ARID1A: variants seen among roughly 807,000 people sequenced by gnomAD.
ARID1A encodes the protein AT-rich interaction domain 1A, also known as AT-rich interactive domain-containing protein 1A.
ARID1A carries 20 observed loss-of-function variants against 212.6 expected under a neutral mutation model. The ratio of observed to expected loss-of-function variants is 0.09; its 90% confidence interval spans 0.07 to 0.14. ARID1A has a LOEUF of 0.14. Among genes scored for constraint, ARID1A ranks in the 10% least tolerant of loss-of-function variants. The pLI is 1.00. For missense variants in ARID1A, 2,587 were observed against 3,059.0 expected, an observed-to-expected ratio of 0.85 and a Z score of 3.64; for synonymous variants, 1,376 against 1,222.1, an observed-to-expected ratio of 1.13 and a Z score of -2.63.
At chr1:26,700,109 A>T (rs76043262) in intron 1 of ARID1A, among the ~76,000 whole-genome samples, 1 of 152,218 alleles carries the variant, frequency 6.6e-6, no homozygotes, top group Non-Finnish European at 1.5e-5. Flanking sequence ...TGTAAGAGAC[A>T]GTGCAGCTTC....
At chr1:26,711,725 T>C (rs79568175) in intron 1 of ARID1A, among the ~76,000 whole-genome samples, 9,048 of 152,200 alleles carry the variant, frequency 0.059, 327 homozygotes, top group Non-Finnish European at 0.08. Context: ...TCTTCGGCAA[T>C]ATGGCATGAA....
rs2124120280 is a variant in ARID1A, at chr1:26,774,762, A to G, written c.4535A>G (p.Gln1512Arg). 7 of 1,614,276 alleles carry G rather than the reference A, an allele frequency of 4.3e-6. No individual in the cohort carries two copies. The highest frequency in any genetic ancestry group is 5.9e-6 in the Non-Finnish European group (7 of 1,180,054). ...NDMTYNYANR[Q>R]STGSAPQGPA... ...ATGACCTATAATTATGCCAACAGGC[A>G]GAGCACGGGCTCTGCCCCCCAGGGC... Residue 1512 changes from glutamine (Q) to arginine (R), a missense_variant, in exon 18 of 20, where the codon CAG (glutamine) becomes CGG (arginine). Around this residue, in one of 11 missense-constraint regions of ARID1A, gnomAD observed 890 missense variants for 1,098.2 expected, o/e 0.81. Coordinates refer to ENST00000324856, the MANE Select transcript of ARID1A (RefSeq NM_006015.6). This position sits in a 1 kb window ranked among gnomAD's most constrained non-coding sequence, Gnocchi z 5.6.
chr1:26,766,945 G>A (rs1278040501), intron 10 of ARID1A, among the ~76,000 whole-genome samples: 3 of 152,152 alleles, frequency 2.0e-5, no homozygotes. Flanking sequence ...TTCTCTTCCT[G>A]AACCTTACTC....
In ARID1A at chr1:26,773,717, G is replaced by A. The variant is rs756511649; in HGVS notation, c.4004G>A (p.Arg1335Gln). 6 of 1,613,942 alleles carry A rather than the reference G, an allele frequency of 3.7e-6. No individual in the cohort carries two copies. Among genetic ancestry groups the A allele is most frequent in the African/African-American group, 1.3e-5 (1 of 75,014 alleles). ...PPQQQQQQQQ[R>Q]HDSYGNQFST... ...CAGCAGCAGCAGCAGCAGCAGCAAC[G>A]GTGAGTAAAGCCTGGTCTCGGTGCT... Residue 1335 changes from arginine to glutamine, a missense_variant and splice_region_variant, in exon 16 of 20, where the codon CGA becomes CAA. Coordinates refer to ENST00000324856, the MANE Select transcript of ARID1A (RefSeq NM_006015.6).
chr1:26,708,266 CTTTTTTTTTTTTTTTT>C (rs397860721), intron 1 of ARID1A, among the ~76,000 whole-genome samples: 389 of 23,732 alleles, frequency 0.016, 8 homozygotes, highest in East Asian at 0.1. Context: ...CAGTCCTTCA[CTTTTTTTTTTTTTTTT>C]TTTTTTTTTT....
In ARID1A at chr1:26,696,198, C is replaced by T; in HGVS notation, c.-206C>T. The T allele has an allele frequency of 3.0e-6, 2 of 657,548 alleles. No individual in the cohort carries two copies. Among genetic ancestry groups the T allele is most frequent in the Non-Finnish European group, 4.1e-6 (2 of 491,852 alleles). 40.7% of individuals were successfully genotyped at this position (657,548 alleles called of 1,614,324 possible). A position where few individuals can be genotyped will look rare whatever the true frequency, so the allele number is the denominator to read the frequency against. On this transcript the variant is annotated 5_prime_UTR_variant, in exon 1 of 20. Coordinates refer to ENST00000324856, the MANE Select transcript of ARID1A (RefSeq NM_006015.6). ...GGCGCCTCGGCCGCCGCCGCCGCCT[C>T]CTCCTCCTCCGCCGCCGCCAGCCCG...
chr1:26,769,820 T>C (rs904327403), intron 11 of ARID1A: 3 of 152,186 alleles, frequency 2.0e-5, no homozygotes, highest in Admixed American at 1.3e-4. Context: ...GAAAGACTAA[T>C]TGTAGGGAGC....
chr1:26,745,801 C>G (rs1047699104), intron 4 of ARID1A, among the ~76,000 whole-genome samples: 4 of 152,202 alleles, frequency 2.6e-5, no homozygotes, highest in Admixed American at 6.5e-5. Flanking sequence ...CCTGTAATCC[C>G]AGCACTTTGG....
Position 26,778,901 on chromosome 1 carries a change from G to T in ARID1A, c.5125-122G>T, listed in dbSNP as rs1008235205. On this transcript the variant is annotated intron_variant, in intron 19 of 19. Coordinates refer to ENST00000324856, the MANE Select transcript of ARID1A (RefSeq NM_006015.6). ...AATTTGCTCTGTGGAGAACCTTTGG[G>T]AAAGGAGCAACTCTGCCTCTCCCAA... The T allele has an allele frequency of 8.2e-6, 8 of 974,126 alleles. No homozygotes were observed. In the East Asian group the frequency reaches 2.0e-4, roughly 24 times the overall value. 60.3% of individuals were successfully genotyped at this position (974,126 alleles called of 1,614,324 possible).
Position 26,696,760 on chromosome 1 carries a change from G to T in ARID1A, c.357G>T (p.Glu119Asp). ...CCGCCCTGAACAATAACCTCACGGA[G>T]CCGCCCGGCGGCGGCGGTGGCGGCA... is the stretch of plus-strand genomic sequence containing the variant. ...PRPALNNNLT[E>D]PPGGGGGGSS... The change falls in exon 1 of 20, where the codon GAG (glutamate) becomes GAT (aspartate). Residue 119 changes from glutamate to aspartate, a missense_variant. Glu to Asp is a conservative substitution (Grantham distance 45). Transcript: ENST00000324856. The T allele has an allele frequency of 1.5e-6, 2 of 1,353,384 alleles. No individual in the cohort carries two copies. The allele number at this position is 1,353,384 out of a possible 1,614,324, so 83.8% of individuals were successfully genotyped here. A position where few individuals can be genotyped will look rare whatever the true frequency, so the allele number is the denominator to read the frequency against.
intron 1 of ARID1A, among the ~76,000 whole-genome samples, chr1:26,713,989 A>T (rs1480816685): frequency 1.3e-5 from 2 of 152,240 alleles, no homozygotes; most frequent in African/African-American, 4.8e-5. Flanking sequence ...TGAAATTAAG[A>T]TAGCTGGGCT....
rs187631645 is a variant in ARID1A at position 26,779,209 on chromosome 1, C to T, written c.5311C>T (p.Pro1771Ser). The T allele has an allele frequency of 6.9e-5, 112 of 1,613,016 alleles. No homozygotes were observed. The East Asian group carries it at 2.4e-3, about 34-fold the overall frequency. The change falls in exon 20 of 20, where the codon CCT becomes TCT. Residue 1771 changes from proline to serine, a missense_variant. Around this residue, in one of 11 missense-constraint regions of ARID1A, gnomAD observed 890 missense variants for 1,098.2 expected, o/e 0.81. Transcript: ENST00000324856. ...GGEEEEELLG[P>S]KLEEEEEEEV... The stretch of plus-strand genomic sequence containing the variant: ...GGAAGAAGAAGAAGAACTTCTAGGT[C>T]CTAAACTAGAAGAGGAAGAAGAAGA...
Position 26,736,720 on chromosome 1 carries a change from C to T in ARID1A, c.1920+3928C>T, listed in dbSNP as rs183407073. Among the ~76,000 whole-genome samples the T allele has an allele frequency of 1.3e-3, 196 of 150,206 alleles. 1 individual carries two copies. The East Asian group carries it at 0.031, about 24-fold the overall frequency. ...GAGTTTGAGACCAGCCTGACCAACA[C>T]GGAGAAACCCCGTCTCTACTAAAAA... On this transcript the variant is annotated intron_variant, in intron 4 of 19. Coordinates refer to ENST00000324856, the MANE Select transcript of ARID1A (RefSeq NM_006015.6).
intron 4 of ARID1A, among the ~76,000 whole-genome samples, chr1:26,746,876 T>C (rs1476916668): frequency 6.6e-6 from 1 of 152,022 alleles, no homozygotes; most frequent in Non-Finnish European, 1.5e-5. Flanking sequence ...TACTAAATAA[T>C]ATAAAAATAA....
chr1:26,775,561 T>C lies in ARID1A; in HGVS notation c.4994-16T>C. On this transcript the variant is annotated splice_polypyrimidine_tract_variant and intron_variant, in intron 18 of 19. Transcript: ENST00000324856. ...ACCTGGGCTTGGTGGATAGACGACA[T>C]GGAGGTTTATTTCAGGAACCCCGGA... The C allele has an allele frequency of 1.2e-6, 2 of 1,613,700 alleles. No individual in the cohort carries two copies. Among genetic ancestry groups the C allele is most frequent in the East Asian group, 2.2e-5 (1 of 44,876 alleles).
At chr1:26,710,263 G>A (rs1182168672) in intron 1 of ARID1A, among the ~76,000 whole-genome samples, 7 of 151,056 alleles carry the variant, frequency 4.6e-5, no homozygotes, top group African/African-American at 1.2e-4. Context: ...GTGAAACCCC[G>A]TCTCTATTAA....
At chr1:26,761,531 A>C (rs780441854) in intron 6 of ARID1A, 58 bp downstream of exon 6, 234 of 1,537,046 alleles carry the variant, frequency 1.5e-4, no homozygotes, top group Non-Finnish European at 2.0e-4. Flanking sequence ...TGAGTGCCCT[A>C]TGCAGTAGCT....
intron 4 of ARID1A, among the ~76,000 whole-genome samples, chr1:26,759,431 C>T (rs769892747): frequency 1.6e-4 from 25 of 152,148 alleles, no homozygotes; most frequent in East Asian, 5.8e-4. Context: ...TGGTCTCGAA[C>T]TCCTGGGCTC....
intron 4 of ARID1A, among the ~76,000 whole-genome samples, chr1:26,760,269 T>C (rs2080978249): frequency 6.6e-6 from 1 of 152,226 alleles, no homozygotes. Flanking sequence ...TGTTTGTATA[T>C]TGTCTGACTA....
Sources: gnomAD v4.1 joint callset for allele counts (sites outside exome capture counted in the v4.1 genomes callset) on GRCh38, gnomAD v4.1.1 for gene constraint, gnomAD v4.1.1 regional missense constraint, Gnocchi (gnomAD v3.1) non-coding constraint, MANE v1.5 for transcripts, NCBI Gene and HGNC (gene_info 2026-07-23, HGNC 2026-07-21) for gene names.